ZNF594: variants seen among roughly 807,000 people sequenced by gnomAD.
ZNF594 encodes zinc finger protein 594.
For synonymous variants in ZNF594, 336 were observed against 309.4 expected (o/e 1.09, Z -0.90); for missense variants, 1,037 against 964.6 (o/e 1.08, Z -0.99).
downstream of ZNF594, among the ~76,000 whole-genome samples, chr17:5,177,763 G>A (rs1263546026): frequency 6.6e-6 from 1 of 152,252 alleles, no homozygotes; most frequent in South Asian, 2.1e-4. Flanking sequence ...TTGAATCCAG[G>A]AGGCGGAAGT....
At chr17:5,185,306 G>A (rs2074379092) in intron 1 of ZNF594, among the ~76,000 whole-genome samples, 1 of 152,304 alleles carries the variant, frequency 6.6e-6, no homozygotes, top group African/African-American at 2.4e-5. Context: ...CATCTTACAT[G>A]GTGGTGGCAA....
Position 5,183,364 on chromosome 17 carries a change from T to C in ZNF594, c.893A>G (p.Asn298Ser). The C allele has an allele frequency of 6.2e-7, 1 of 1,613,756 alleles. No homozygotes were observed. The change falls in exon 2 of 2, where the codon AAT becomes AGT. Residue 298 changes from asparagine to serine, a missense_variant. Asn to Ser is a conservative substitution (Grantham distance 46, BLOSUM62 1). Transcript: ENST00000575779. ...CTGCCTGAAGGCTTTTTCACATTCA[T>C]TACATTTGAGGGGTTTCTCTCCAGT... Reference protein sequence around the residue: ...IHTGEKPLKCNECEKAFRQHS... With the variant: ...IHTGEKPLKCSECEKAFRQHS...
At position 5,183,171 on chromosome 17, in the gene ZNF594, C is replaced by G. The variant is rs1463245928; in HGVS notation, c.1086G>C (p.Glu362Asp). The G allele has an allele frequency of 1.9e-6, 3 of 1,614,076 alleles. No individual in the cohort carries two copies. In the Admixed American group the frequency reaches 5.0e-5, roughly 27 times the overall value. The part of the protein sequence containing the change: ...ECEKTFSKDE[E>D]LREEQRIHQE... Reference sequence around the variant, plus strand: ...GGTGAATTCTCTGCTCTTCCCTAAGCTCCTCATCCTTGCTGAAGGTTTTCT... The same window carrying G: ...GGTGAATTCTCTGCTCTTCCCTAAGGTCCTCATCCTTGCTGAAGGTTTTCT... Residue 362 changes from glutamate (E) to aspartate (D), a missense_variant, in exon 2 of 2, where the codon GAG becomes GAC. Physicochemically the swap from Glu to Asp is conservative, Grantham distance 45. Coordinates refer to ENST00000575779, the MANE Select transcript of ZNF594 (RefSeq NM_032530.2).
rs777654677 is a variant in ZNF594, at chr17:5,181,122, G to A, written c.*711C>T. ...GACAAGGTGTGAGTTCTGACTGAAG[G>A]CCTTCCAACATTCAGGGCATTCATA... is the stretch of plus-strand genomic sequence containing the variant. On this transcript the variant is annotated 3_prime_UTR_variant, in exon 2 of 2. Transcript: ENST00000575779. 1.9e-6 allele frequency: 3 copies of A among 1,568,118 alleles called. No homozygotes were observed. The highest frequency in any genetic ancestry group is 4.5e-5 in the East Asian group (2 of 44,724).
Position 5,182,194 on chromosome 17 carries a change from G to T in ZNF594, c.2063C>A (p.Ala688Asp), listed in dbSNP as rs765409688. The T allele has an allele frequency of 1.2e-6, 2 of 1,613,292 alleles. No homozygotes were observed. Among genetic ancestry groups the T allele is most frequent in the African/African-American group, 1.3e-5 (1 of 74,382 alleles). ...AATAAGGAGGGAACGCCGCCTGAAG[G>T]CATTCCCACATTCACTGCACTGATA... Reference protein sequence around the residue: ...KPYQCSECGNAFRRRSLLIQH... With the variant: ...KPYQCSECGNDFRRRSLLIQH... The change falls in exon 2 of 2, where the codon GCC becomes GAC. Residue 688 changes from alanine to aspartate, a missense_variant. Ala to Asp is a moderately radical substitution (Grantham distance 126). Coordinates refer to ENST00000575779, the MANE Select transcript of ZNF594 (RefSeq NM_032530.2).
intron 1 of ZNF594, among the ~76,000 whole-genome samples, chr17:5,185,681 G>A (rs1193318616): frequency 6.6e-6 from 1 of 152,130 alleles, no homozygotes; most frequent in African/African-American, 2.4e-5. Flanking sequence ...CCTCCTATGA[G>A]CCTGTAAAAT....
At chr17:5,176,878 A>T (rs932121301), downstream of ZNF594, among the ~76,000 whole-genome samples, 5 of 152,178 alleles carry the variant, frequency 3.3e-5, no homozygotes, top group East Asian at 1.9e-4. Flanking sequence ...AAAAAAAAGC[A>T]ACAGAAACAA....
Position 5,181,790 on chromosome 17 carries a change from CCCA to C in ZNF594, c.*40_*42del. On this transcript the variant is annotated 3_prime_UTR_variant, in exon 2 of 2. Transcript: ENST00000575779. ...GATCTGAGCTGCTCCTAAAAGATTC[CCCA>C]CATTTATTGCATACGTAAGGTTTTT... 1 of 1,612,904 alleles carries C rather than the reference CCCA, an allele frequency of 6.2e-7. No individual in the cohort carries two copies. Among genetic ancestry groups the C allele is most frequent in the East Asian group, 2.2e-5 (1 of 44,802 alleles).
At position 5,181,893 on chromosome 17, in the gene ZNF594, T is replaced by C; in HGVS notation, c.2364A>G (p.Pro788=). The C allele has an allele frequency of 1.2e-6, 2 of 1,614,040 alleles. No individual in the cohort carries two copies. Among genetic ancestry groups the C allele is most frequent in the Middle Eastern group, 1.7e-4 (1 of 6,060 alleles). ...TTTTCCCACATTCTTTACATTCATA[T>C]GGTTTCTCTCTTGTATGAGTTACCT... The part of the protein sequence containing the change: ...RHQVTHTREK[P]YECKECGKTQ... The change falls in exon 2 of 2, where the codon CCA becomes CCG. Residue 788 remains proline, a synonymous_variant. Transcript: ENST00000575779.
intron 1 of ZNF594, among the ~76,000 whole-genome samples, chr17:5,187,359 C>G (rs2074392315): frequency 6.6e-6 from 1 of 152,222 alleles, no homozygotes; most frequent in Admixed American, 6.5e-5. Flanking sequence ...CAAATTATCT[C>G]CCACCAGGTC....
Position 5,182,385 on chromosome 17 carries a change from A to G in ZNF594, c.1872T>C (p.Tyr624=), listed in dbSNP as rs771223944. 51 of 1,612,854 alleles carry G rather than the reference A, an allele frequency of 3.2e-5. No homozygotes were observed. The highest frequency in any genetic ancestry group is 1.2e-4 in the Admixed American group (7 of 59,964). The change falls in exon 2 of 2, where the codon TAT becomes TAC. Residue 624 remains tyrosine, a synonymous_variant. Coordinates refer to ENST00000575779, the MANE Select transcript of ZNF594 (RefSeq NM_032530.2). ...HHRIHSGEKP[Y]VCNKCGKSFR... is the part of the protein sequence containing the mutation. The stretch of plus-strand genomic sequence containing the variant: ...AAGATTTCCCACATTTGTTGCATAC[A>G]TAAGGTTTTTCTCCACTGTGAATTC...
At chr17:5,189,861 G>C (rs2074410178) in intron 1 of ZNF594, among the ~76,000 whole-genome samples, 1 of 152,142 alleles carries the variant, frequency 6.6e-6, no homozygotes, top group Admixed American at 6.6e-5. Context: ...AGTGAGAAGT[G>C]ATTTGACAAT....
chr17:5,175,245 G>C (rs188976798), downstream of ZNF594, among the ~76,000 whole-genome samples: 1 of 152,138 alleles, frequency 6.6e-6, no homozygotes, highest in Non-Finnish European at 1.5e-5. Context: ...ATTTATAGCC[G>C]CTCCCCCTTG....
chr17:5,175,814 G>C (rs1170904742), downstream of ZNF594, among the ~76,000 whole-genome samples: 1 of 151,686 alleles, frequency 6.6e-6, no homozygotes, highest in African/African-American at 2.4e-5. Context: ...TGGCAGTGTT[G>C]AGAAGAGATG....
chr17:5,187,497 T>C (rs1376948363), intron 1 of ZNF594, among the ~76,000 whole-genome samples: 1 of 152,192 alleles, frequency 6.6e-6, no homozygotes, highest in Non-Finnish European at 1.5e-5. Flanking sequence ...TCATTTTATT[T>C]TGGTCCTGCT....
downstream of ZNF594, among the ~76,000 whole-genome samples, chr17:5,178,535 G>C (rs577149749): frequency 1.9e-3 from 291 of 152,230 alleles, 1 homozygote; most frequent in African/African-American, 6.7e-3. Context: ...CAGGAGGTGT[G>C]ATGGGGACAA....
intron 1 of ZNF594, among the ~76,000 whole-genome samples, chr17:5,189,977 A>G: frequency 6.6e-6 from 1 of 152,254 alleles, no homozygotes. Context: ...GCCTGGAGAA[A>G]TAATAAAAAA....
In ZNF594 at chr17:5,179,602, T is replaced by C. The variant is rs2074324930; in HGVS notation, c.*2231A>G. 1 of 152,250 alleles carries C rather than the reference T, an allele frequency of 6.6e-6. No individual in the cohort carries two copies. The highest frequency in any genetic ancestry group is 1.5e-5 in the Non-Finnish European group (1 of 68,050). 9.4% of individuals were successfully genotyped at this position (152,250 alleles called of 1,614,324 possible). On this transcript the variant is annotated 3_prime_UTR_variant, in exon 2 of 2. Coordinates refer to ENST00000575779, the MANE Select transcript of ZNF594 (RefSeq NM_032530.2). ...TTCCATACTGTAACAAAAATTTCAA[T>C]CTTTCAAAAGTCCAATACCCTTAGT...
chr17:5,182,571 G>A lies in ZNF594; in HGVS notation c.1686C>T (p.His562=). 6.2e-7 allele frequency: 1 copy of A among 1,613,244 alleles called. No individual in the cohort carries two copies. Among genetic ancestry groups the A allele is most frequent in the Non-Finnish European group, 8.5e-7 (1 of 1,179,666 alleles). The part of the protein sequence containing the change: ...DEELRGEQKI[H]QEAKAYWCNQ... ...TACACCAATAAGCTTTCGCTTCCTG[G>A]TGAATTTTCTGCTCTCCCCTAAGCT... is the stretch of plus-strand genomic sequence containing the variant. The change falls in exon 2 of 2, where the codon CAC becomes CAT. Residue 562 remains histidine (H), a synonymous_variant. Transcript: ENST00000575779.
Sources: allele counts gnomAD v4.1 joint callset (sites outside exome capture counted in the v4.1 genomes callset), GRCh38; gene constraint gnomAD v4.1.1; transcripts MANE v1.5; gene names NCBI Gene and HGNC (gene_info 2026-07-23, HGNC 2026-07-21).